The following METTL6 variants were observed in gnomAD, a reference collection of about 807,000 sequenced individuals.
METTL6 encodes the protein tRNA N(3)-cytidine methyltransferase METTL6.
Under a neutral mutation model 26.4 loss-of-function variants are expected in METTL6, and 22 were observed. The observed-to-expected ratio is 0.83, with a 90% confidence interval of 0.59 to 1.19. The LOEUF (loss-of-function observed/expected upper bound fraction) is 1.19. Among genes scored for constraint, METTL6 ranks in the 50% most tolerant of loss-of-function variants. The probability of loss-of-function intolerance (pLI) is 0.00; values close to 1 mark genes in which losing one functional copy is unlikely to be tolerated. For synonymous variants in METTL6, 109 were observed against 116.2 expected, an observed-to-expected ratio of 0.94 and a Z score of 0.40; for missense variants, 304 against 324.8, an observed-to-expected ratio of 0.94 and a Z score of 0.49.
chr3:15,405,692 T>C (rs970506243), downstream of METTL6, among the ~76,000 whole-genome samples: 3 of 152,216 alleles, frequency 2.0e-5, no homozygotes, highest in Admixed American at 2.0e-4. Context: ...GAAAAAGACT[T>C]GGTTCATGAG....
chr3:15,382,297 C>T (rs996540852), exon 7 of METTL6: 9 of 152,232 alleles, frequency 5.9e-5, no homozygotes, highest in African/African-American at 2.2e-4. Context: ...AGCCCCTTTA[C>T]AGTGGACAAT....
At chr3:15,394,652 T>C (rs1297943229) in intron 6 of METTL6, among the ~76,000 whole-genome samples, 6 of 152,294 alleles carry the variant, frequency 3.9e-5, no homozygotes, top group Admixed American at 1.3e-4. Flanking sequence ...TAAATTTCCC[T>C]GTACACACTG....
chr3:15,381,959 C>T (rs1343669792), exon 7 of METTL6: 3 of 152,052 alleles, frequency 2.0e-5, no homozygotes, highest in Middle Eastern at 6.9e-3. Flanking sequence ...GTCGAAGTAG[C>T]TTTCTGAATA....
rs1467914928 is a variant in METTL6, at chr3:15,410,201, C to T, written c.*1055G>A. On this transcript the variant is annotated 3_prime_UTR_variant, in exon 6 of 6. Transcript: ENST00000383790. The stretch of plus-strand genomic sequence containing the variant: ...AGTACATAGTAGCCCCCCGTATCTG[C>T]GGGTGGTATGTTTCAAGACCCCCAG... 1.3e-5 allele frequency among the ~76,000 whole-genome samples: 2 copies of T among 151,938 alleles called. No individual in the cohort carries two copies. The highest frequency in any genetic ancestry group is 2.4e-5 in the African/African-American group (1 of 41,330).
intron 6 of METTL6, among the ~76,000 whole-genome samples, chr3:15,396,887 T>C (rs1699503397): frequency 1.3e-5 from 2 of 152,202 alleles, no homozygotes; most frequent in African/African-American, 4.8e-5. Flanking sequence ...GAGGTGTCAG[T>C]CTGCCCCTAA....
At chr3:15,407,416 G>A (rs1311178500), downstream of METTL6, among the ~76,000 whole-genome samples, 1 of 152,174 alleles carries the variant, frequency 6.6e-6, no homozygotes, top group East Asian at 1.9e-4. Context: ...GACAACTCCA[G>A]GTTGTGTTTG....
chr3:15,413,164 G>C (rs1181431484), intron 5 of METTL6, among the ~76,000 whole-genome samples: 2 of 152,200 alleles, frequency 1.3e-5, no homozygotes, highest in Non-Finnish European at 2.9e-5. Flanking sequence ...AGAATCACTT[G>C]AGCCTGGGTG....
At chr3:15,402,945 T>C (rs2124936260) in intron 6 of METTL6, among the ~76,000 whole-genome samples, 1 of 152,274 alleles carries the variant, frequency 6.6e-6, no homozygotes. Flanking sequence ...GTTATCATCA[T>C]TTCAAAGTTA....
At chr3:15,388,528 A>G (rs1310536360) in intron 6 of METTL6, among the ~76,000 whole-genome samples, 2 of 152,230 alleles carry the variant, frequency 1.3e-5, no homozygotes, top group East Asian at 3.9e-4. Context: ...TTCTTGCACT[A>G]AGTCAGTTCC....
intron 6 of METTL6, among the ~76,000 whole-genome samples, chr3:15,385,266 G>A (rs1469202429): frequency 2.6e-5 from 4 of 152,166 alleles, no homozygotes; most frequent in Non-Finnish European, 5.9e-5. Context: ...AGTAGCTTAT[G>A]TTCAATTTAG....
chr3:15,407,615 C>A (rs749936209), downstream of METTL6, among the ~76,000 whole-genome samples: 1 of 152,186 alleles, frequency 6.6e-6, no homozygotes, highest in African/African-American at 2.4e-5. Flanking sequence ...TCACATCAAA[C>A]CCTCCACTGA....
intron 4 of METTL6, 74 bp downstream of exon 4, chr3:15,415,698 T>A: frequency 2.5e-6 from 4 of 1,596,468 alleles, no homozygotes; most frequent in Non-Finnish European, 3.4e-6. Flanking sequence ...AGACAGTACA[T>A]GAGCCTCATG....
intron 6 of METTL6, among the ~76,000 whole-genome samples, chr3:15,394,140 G>C (rs910110032): frequency 1.3e-4 from 20 of 152,206 alleles, no homozygotes; most frequent in Middle Eastern, 6.8e-3. Context: ...ACTTTTTTTG[G>C]TTGGTAAGCT....
Position 15,403,898 on chromosome 3 carries a change from C to A in METTL6, c.*11+7347G>T, listed in dbSNP as rs536161162. ...CCTCCCCTTTTTAGATCATAAAGGGCAACTTCCTGACATTGCCATGGCATT... is the reference window on the plus strand; with the variant it reads ...CCTCCCCTTTTTAGATCATAAAGGGAAACTTCCTGACATTGCCATGGCATT... On this transcript the variant is annotated intron_variant, in intron 6 of 6. Transcript: ENST00000443029. Among the ~76,000 whole-genome samples, 231 of 152,262 alleles carry A rather than the reference C, an allele frequency of 1.5e-3. 1 individual carries two copies. Among genetic ancestry groups the A allele is most frequent in the African/African-American group, 5.3e-3 (219 of 41,544 alleles).
At chr3:15,399,515 AAAAG>A (rs1279478732) in intron 6 of METTL6, 1 of 147,836 alleles carries the variant, frequency 6.8e-6, no homozygotes, top group East Asian at 2.0e-4. Flanking sequence ...CACAGAAAGA[AAAAG>A]AGAGAGAGAG....
chr3:15,399,852 C>A (rs950025424), intron 6 of METTL6, among the ~76,000 whole-genome samples: 9 of 152,086 alleles, frequency 5.9e-5, no homozygotes, highest in African/African-American at 2.2e-4. Context: ...ATTAATGTCA[C>A]CTCAAAATAT....
chr3:15,422,202 T>C (rs530038725), intron 3 of METTL6, among the ~76,000 whole-genome samples: 2 of 152,104 alleles, frequency 1.3e-5, no homozygotes, highest in Non-Finnish European at 2.9e-5. Context: ...GGTGTGCATC[T>C]GTAACCCCAG....
At chr3:15,392,935 C>T (rs988690534) in intron 6 of METTL6, among the ~76,000 whole-genome samples, 1 of 152,112 alleles carries the variant, frequency 6.6e-6, no homozygotes, top group Admixed American at 6.6e-5. Context: ...TAGCGTGATG[C>T]CTCCAGCTTT....
chr3:15,421,297 C>A (rs949012257), intron 3 of METTL6, among the ~76,000 whole-genome samples: 4 of 152,154 alleles, frequency 2.6e-5, no homozygotes, highest in African/African-American at 9.7e-5. Context: ...ACGATACATA[C>A]TGCGTGATCT....
Sources: gnomAD v4.1 joint callset for allele counts (sites outside exome capture counted in the v4.1 genomes callset) on GRCh38, gnomAD v4.1.1 for gene constraint, MANE v1.5 for transcripts, NCBI Gene and HGNC (gene_info 2026-07-23, HGNC 2026-07-21) for gene names.